The following ST3GAL4 variants were observed in gnomAD, a reference collection of about 807,000 sequenced individuals.
ST3GAL4 encodes ST3 beta-galactoside alpha-2,3-sialyltransferase 4.
ST3GAL4 carries 24 observed loss-of-function variants against 42.6 expected under a neutral mutation model. The observed-to-expected ratio is 0.56, with a 90% confidence interval of 0.41 to 0.79. The LOEUF (loss-of-function observed/expected upper bound fraction) is 0.79. Ranked by LOEUF, ST3GAL4 falls within the 30% of genes least tolerant of loss-of-function variation. ST3GAL4 has a pLI of 0.00. For synonymous variants in ST3GAL4, 135 were observed against 163.2 expected (o/e 0.83, Z 1.32); for missense variants, 311 against 430.8 (o/e 0.72, Z 2.46).
rs138660493 is a variant in ST3GAL4 at position 126,366,791 on chromosome 11, T to C, written c.-61+10949T>C. 4.7e-3 allele frequency among the ~76,000 whole-genome samples: 714 copies of C among 152,276 alleles called. 18 individuals are homozygous for C. The highest frequency in any genetic ancestry group is 9.1e-3 in the East Asian group (47 of 5,176). ...TGAGGGGAGGCGGGAGTGCAAGGTCTGCCGAGTGAGGGTTCCTTCCGGGAG... is the reference window on the plus strand; with the variant it reads ...TGAGGGGAGGCGGGAGTGCAAGGTCCGCCGAGTGAGGGTTCCTTCCGGGAG... On this transcript the variant is annotated intron_variant, in intron 1 of 10. Coordinates refer to ENST00000444328, the MANE Select transcript of ST3GAL4 (RefSeq NM_001254757.2). This position sits in a 1 kb window ranked among gnomAD's most constrained non-coding sequence, Gnocchi z 4.2.
At position 126,355,694 on chromosome 11, in the gene ST3GAL4, A is replaced by ACTCGCCCGCTCCCAGGCCGGACC. The variant is rs1231392762; in HGVS notation, c.-207_-185dup. On this transcript the variant is annotated 5_prime_UTR_variant, in exon 1 of 11. Coordinates refer to ENST00000444328, the MANE Select transcript of ST3GAL4 (RefSeq NM_001254757.2). The surrounding 1 kb of genome is among the most constrained non-coding windows in gnomAD (Gnocchi z 7.1). ...GGGTCCCCGCCTCCCCTGCAGGCGGACTCGCCCGCTCCCAGGCCGGACCCG... is the reference window on the plus strand; with the variant it reads ...GGGTCCCCGCCTCCCCTGCAGGCGGACTCGCCCGCTCCCAGGCCGGACCCTCGCCCGCTCCCAGGCCGGACCCG... The ACTCGCCCGCTCCCAGGCCGGACC allele has an allele frequency of 6.7e-6, 1 of 148,656 alleles. No homozygotes were observed. Among genetic ancestry groups the ACTCGCCCGCTCCCAGGCCGGACC allele is most frequent in the Admixed American group, 6.7e-5 (1 of 15,028 alleles). 9.2% of individuals were successfully genotyped at this position (148,656 alleles called of 1,614,324 possible).
intron 9 of ST3GAL4, chr11:126,413,253 A>G: frequency 2.8e-6 from 1 of 352,874 alleles, no homozygotes; most frequent in East Asian, 5.1e-5. Context: ...CTATGGGCAT[A>G]TGCACTACTG....
intron 1 of ST3GAL4, among the ~76,000 whole-genome samples, chr11:126,402,122 C>CACT (rs1158095684): frequency 6.7e-6 from 1 of 149,702 alleles, no homozygotes; most frequent in African/African-American, 2.5e-5. Flanking sequence ...TAGACGTAGA[C>CACT]AGCAGGCAGA....
At position 126,379,122 on chromosome 11, in the gene ST3GAL4, G is replaced by A. The variant is rs1272898893; in HGVS notation, c.-61+23280G>A. Among the ~76,000 whole-genome samples the A allele has an allele frequency of 2.0e-5, 3 of 152,132 alleles. No individual in the cohort carries two copies. Among genetic ancestry groups the A allele is most frequent in the African/African-American group, 7.2e-5 (3 of 41,420 alleles). Reference sequence around the variant, plus strand: ...GAAGGATACCAACCCTTTTCATAACGCCATTTTCCTGAATTGCTCACTCAA... The same window carrying A: ...GAAGGATACCAACCCTTTTCATAACACCATTTTCCTGAATTGCTCACTCAA... On this transcript the variant is annotated intron_variant, in intron 1 of 10. Transcript: ENST00000444328. The surrounding 1 kb of genome is among the most constrained non-coding windows in gnomAD (Gnocchi z 4.2).
intron 1 of ST3GAL4, among the ~76,000 whole-genome samples, chr11:126,356,544 C>A (rs944682710): frequency 6.6e-6 from 1 of 152,238 alleles, no homozygotes; most frequent in African/African-American, 2.4e-5. Flanking sequence ...CATTCCCAGT[C>A]CTGGGGGGAG....
chr11:126,384,949 A>T lies in ST3GAL4; in HGVS notation c.-60-21147A>T. The T allele has an allele frequency of 2.0e-6, 2 of 981,188 alleles. No homozygotes were observed. The highest frequency in any genetic ancestry group is 2.4e-6 in the Non-Finnish European group (2 of 826,268). The allele number at this position is 981,188 out of a possible 1,614,324, so 60.8% of individuals were successfully genotyped here. A position where few individuals can be genotyped will look rare whatever the true frequency, so the allele number is the denominator to read the frequency against. Reference sequence around the variant, plus strand: ...GGAGAGGGGCCGCCTTGTGCCTGGGAAGGGAGGACCAGGTGTCGCTGGCAC... The same window carrying T: ...GGAGAGGGGCCGCCTTGTGCCTGGGTAGGGAGGACCAGGTGTCGCTGGCAC... On this transcript the variant is annotated intron_variant, in intron 1 of 10. Coordinates refer to ENST00000444328, the MANE Select transcript of ST3GAL4 (RefSeq NM_001254757.2). The surrounding 1 kb of genome is among the most constrained non-coding windows in gnomAD (Gnocchi z 5.5).
Position 126,378,024 on chromosome 11 carries a change from C to G in ST3GAL4, c.-61+22182C>G, listed in dbSNP as rs1803262853. Among the ~76,000 whole-genome samples the G allele has an allele frequency of 6.6e-6, 1 of 152,142 alleles. No homozygotes were observed. The highest frequency in any genetic ancestry group is 6.5e-5 in the Admixed American group (1 of 15,274). On this transcript the variant is annotated intron_variant, in intron 1 of 10. Coordinates refer to ENST00000444328, the MANE Select transcript of ST3GAL4 (RefSeq NM_001254757.2). This position sits in a 1 kb window ranked among gnomAD's most constrained non-coding sequence, Gnocchi z 5.3. The stretch of plus-strand genomic sequence containing the variant: ...TGAAATCCAGAACCCCTTCGTAAGA[C>G]TGTGTCTGGGATATTATGATTCTCT...
intron 5 of ST3GAL4, 93 bp downstream of exon 5, chr11:126,407,442 T>C: frequency 1.3e-6 from 2 of 1,562,446 alleles, no homozygotes; most frequent in Non-Finnish European, 1.8e-6. Context: ...GCCCAAGTTC[T>C]GAGCCTGACT....
At chr11:126,362,504 C>G (rs1348791423) in intron 1 of ST3GAL4, among the ~76,000 whole-genome samples, 1 of 152,128 alleles carries the variant, frequency 6.6e-6, no homozygotes, top group Non-Finnish European at 1.5e-5. Context: ...CTCCGCCTGG[C>G]CAACACTTCT....
In ST3GAL4 at chr11:126,383,160, C is replaced by T. The variant is rs1379476775; in HGVS notation, c.-60-22936C>T. Among the ~76,000 whole-genome samples, 1 of 152,214 alleles carries T rather than the reference C, an allele frequency of 6.6e-6. No individual in the cohort carries two copies. The highest frequency in any genetic ancestry group is 1.5e-5 in the Non-Finnish European group (1 of 68,038). On this transcript the variant is annotated intron_variant, in intron 1 of 10. Coordinates refer to ENST00000444328, the MANE Select transcript of ST3GAL4 (RefSeq NM_001254757.2). The surrounding 1 kb of genome is among the most constrained non-coding windows in gnomAD (Gnocchi z 4.5). ...ACTCTCCAGGCCTGCTGGGGACACA[C>T]CTGTGGGGCTCATAGGCGTGGCTGG...
At chr11:126,413,395 A>G in intron 9 of ST3GAL4, 110 bp from the exon 10 acceptor site, 1 of 1,411,270 alleles carries the variant, frequency 7.1e-7, no homozygotes, top group Non-Finnish European at 9.5e-7. Flanking sequence ...TGGACAGCGC[A>G]GATGGAGAAC....
In ST3GAL4 at chr11:126,379,106, C is replaced by G. The variant is rs1952914054; in HGVS notation, c.-61+23264C>G. On this transcript the variant is annotated intron_variant, in intron 1 of 10. Transcript: ENST00000444328. The surrounding 1 kb of genome is among the most constrained non-coding windows in gnomAD (Gnocchi z 4.2). The stretch of plus-strand genomic sequence containing the variant: ...CAGCCAACTGCCAAGGGAAGGATAC[C>G]AACCCTTTTCATAACGCCATTTTCC... 6.6e-6 allele frequency among the ~76,000 whole-genome samples: 1 copy of G among 152,214 alleles called. No homozygotes were observed. The highest frequency in any genetic ancestry group is 6.5e-5 in the Admixed American group (1 of 15,282).
intron 1 of ST3GAL4, among the ~76,000 whole-genome samples, chr11:126,382,812 C>T (rs932293363): frequency 3.9e-5 from 6 of 152,190 alleles, no homozygotes; most frequent in African/African-American, 9.7e-5. Flanking sequence ...CCTTGACAGG[C>T]GGGAATCTGT....
intron 1 of ST3GAL4, among the ~76,000 whole-genome samples, chr11:126,368,292 G>A (rs1245263750): frequency 6.6e-6 from 1 of 152,066 alleles, no homozygotes; most frequent in Non-Finnish European, 1.5e-5. Context: ...GACATCAGGA[G>A]TCAGTGACCA....
rs1306881216 is a variant in ST3GAL4 at position 126,386,864 on chromosome 11, G to A, written c.-60-19232G>A. Among the ~76,000 whole-genome samples, 1 of 152,158 alleles carries A rather than the reference G, an allele frequency of 6.6e-6. No homozygotes were observed. Among genetic ancestry groups the A allele is most frequent in the African/African-American group, 2.4e-5 (1 of 41,424 alleles). On this transcript the variant is annotated intron_variant, in intron 1 of 10. Transcript: ENST00000444328. The surrounding 1 kb of genome is among the most constrained non-coding windows in gnomAD (Gnocchi z 4.7). ...AATGGTGTTGCTGCTAATCTCTACA[G>A]CACTTTCCTGTAAATTAGGAACGGT...
chr11:126,406,569 T>G lies in ST3GAL4; in HGVS notation c.101+12T>G, dbSNP rs981675406. On this transcript the variant is annotated intron_variant, in intron 3 of 10. Transcript: ENST00000444328. This position sits in a 1 kb window ranked among gnomAD's most constrained non-coding sequence, Gnocchi z 5.4. ...AGGTACATCGAGCTGTGAGTTCACC[T>G]TCCATGTCCTTCCAGTGGCTCTTGT... The G allele has an allele frequency of 6.2e-7, 1 of 1,614,056 alleles. No individual in the cohort carries two copies. The highest frequency in any genetic ancestry group is 1.3e-5 in the African/African-American group (1 of 74,922).
chr11:126,380,832 C>G (rs1269161102), intron 1 of ST3GAL4, among the ~76,000 whole-genome samples: 2 of 152,224 alleles, frequency 1.3e-5, no homozygotes, highest in Non-Finnish European at 2.9e-5. Context: ...CTCTCCAGAG[C>G]TCTTTGACCC....
chr11:126,414,073 G>T lies in ST3GAL4; in HGVS notation c.*26G>T, dbSNP rs374090639. The T allele has an allele frequency of 6.2e-7, 1 of 1,612,414 alleles. No homozygotes were observed. The highest frequency in any genetic ancestry group is 1.3e-5 in the African/African-American group (1 of 74,896). ...CCTGGGCAAGAGCTGTAGCCTGTCG[G>T]TTGCCTACTCTGCTGTCTGGGTGAC... On this transcript the variant is annotated 3_prime_UTR_variant, in exon 11 of 11. Transcript: ENST00000444328.
chr11:126,392,471 C>A lies in ST3GAL4; in HGVS notation c.-60-13625C>A, dbSNP rs114130073. 1.3e-5 allele frequency: 9 copies of A among 699,302 alleles called. No homozygotes were observed. The highest frequency in any genetic ancestry group is 1.6e-5 in the Non-Finnish European group (9 of 568,594). 43.3% of individuals were successfully genotyped at this position (699,302 alleles called of 1,614,324 possible). On this transcript the variant is annotated intron_variant, in intron 1 of 10. Transcript: ENST00000444328. The surrounding 1 kb of genome is among the most constrained non-coding windows in gnomAD (Gnocchi z 5.8). ...ATCGACATGCATTTGGCAGAAAGTG[C>A]GCTGGCTCTGCCAGCTCCCAGTGTG...
Sources: allele counts gnomAD v4.1 joint callset (sites outside exome capture counted in the v4.1 genomes callset), GRCh38; gene constraint gnomAD v4.1.1; non-coding constraint Gnocchi (gnomAD v3.1); transcripts MANE v1.5; gene names NCBI Gene and HGNC (gene_info 2026-07-23, HGNC 2026-07-21).